Variants in DENND4A observed in about 807,000 individuals in gnomAD.
The protein encoded by DENND4A is C-myc promoter-binding protein.
A neutral mutation model predicts 199.3 loss-of-function variants in DENND4A; 70 were observed. The ratio of observed to expected loss-of-function variants is 0.35; its 90% CI spans 0.29 to 0.43. DENND4A has a LOEUF of 0.43. Ranked by LOEUF, DENND4A falls within the 20% of genes least tolerant of loss-of-function variation. DENND4A has a pLI of 1.00. For synonymous variants in DENND4A, 686 were observed against 766.9 expected (o/e 0.89, Z 1.74); for missense variants, 1,723 against 2,255.8 (o/e 0.76, Z 4.78).
intron 1 of DENND4A, among the ~76,000 whole-genome samples, chr15:65,789,287 C>G (rs896980514): frequency 6.6e-6 from 1 of 152,096 alleles, no homozygotes; most frequent in African/African-American, 2.4e-5. Context: ...CCTGGGCTCA[C>G]GGGATCCTCC....
At chr15:65,749,884 T>C (rs976317085) in intron 4 of DENND4A, among the ~76,000 whole-genome samples, 4 of 152,178 alleles carry the variant, frequency 2.6e-5, no homozygotes, top group South Asian at 2.1e-4. Context: ...AGCATACTCA[T>C]GGACCCATCA....
At chr15:65,702,157 G>T in intron 17 of DENND4A, 148 bp downstream of exon 17, 1 of 777,642 alleles carries the variant, frequency 1.3e-6, no homozygotes, top group Non-Finnish European at 2.0e-6. Context: ...ACAGCTATCT[G>T]GGAGGCTAAA....
In DENND4A at chr15:65,759,266, C is replaced by T. The variant is rs578025913; in HGVS notation, c.-23+2094G>A. Among the ~76,000 whole-genome samples the T allele has an allele frequency of 1.5e-3, 232 of 152,234 alleles. 1 individual carries two copies. The highest frequency in any genetic ancestry group is 5.2e-3 in the African/African-American group (214 of 41,530). ...GGCCGAGGCGGGTGGATCACAAGGT[C>T]AGGAGTTCAAGACCAGCCTGGCCAA... On this transcript the variant is annotated intron_variant, in intron 2 of 32. Coordinates refer to ENST00000443035, the MANE Select transcript of DENND4A (RefSeq NM_001320835.1).
intron 2 of DENND4A, among the ~76,000 whole-genome samples, chr15:65,757,935 C>T (rs1215781186): frequency 3.3e-5 from 5 of 151,856 alleles, no homozygotes; most frequent in African/African-American, 7.3e-5. Context: ...GAGCTGAGAT[C>T]GCACCATTGC....
At chr15:65,722,189 A>T (rs2075667350) in intron 12 of DENND4A, among the ~76,000 whole-genome samples, 1 of 152,238 alleles carries the variant, frequency 6.6e-6, no homozygotes, top group Non-Finnish European at 1.5e-5. Flanking sequence ...TATTCTGTGT[A>T]TGAAAAAAAT....
intron 23 of DENND4A, among the ~76,000 whole-genome samples, chr15:65,682,663 G>A (rs920804763): frequency 2.6e-5 from 4 of 152,172 alleles, no homozygotes; most frequent in Admixed American, 6.5e-5. Context: ...TGGTGCAGGA[G>A]ACCTCACTTT....
At chr15:65,718,714 C>CAAA (rs1258606826) in intron 12 of DENND4A, among the ~76,000 whole-genome samples, 1 of 137,094 alleles carries the variant, frequency 7.3e-6, no homozygotes, top group Non-Finnish European at 1.6e-5. Flanking sequence ...GAAAATATTT[C>CAAA]AAAAACTGCC....
chr15:65,743,272 A>G (rs1276487071), intron 4 of DENND4A, among the ~76,000 whole-genome samples: 1 of 152,102 alleles, frequency 6.6e-6, no homozygotes, highest in East Asian at 1.9e-4. Flanking sequence ...ATCTACCCCC[A>G]ATTCCAATCT....
intron 4 of DENND4A, among the ~76,000 whole-genome samples, chr15:65,751,576 G>T (rs148685051): frequency 6.6e-6 from 1 of 152,152 alleles, no homozygotes; most frequent in African/African-American, 2.4e-5. Context: ...GAACCATGAG[G>T]CACTCCATTG....
In DENND4A at chr15:65,667,529, A is replaced by G. The variant is rs1286151708; in HGVS notation, c.5161T>C (p.Trp1721Arg). 1 of 1,613,990 alleles carries G rather than the reference A, an allele frequency of 6.2e-7. No individual in the cohort carries two copies. Among genetic ancestry groups the G allele is most frequent in the Non-Finnish European group, 8.5e-7 (1 of 1,179,868 alleles). Residue 1721 changes from tryptophan to arginine, a missense_variant, in exon 29 of 33, where the codon TGG becomes CGG. Trp to Arg is a moderately radical substitution (Grantham distance 101, BLOSUM62 -3). This residue lies in a region of DENND4A where 164 missense variants were observed against 280.1 expected (regional missense o/e 0.59). Coordinates refer to ENST00000443035, the MANE Select transcript of DENND4A (RefSeq NM_001320835.1). ...GGCAAGTCAAGACGTCTGAAATACC[A>G]TACCAGGTTCCAAAAAACAATTGGA... ...HHPIVFWNLV[W>R]YFRRLDLPSN...
chr15:65,731,551 T>C, intron 9 of DENND4A, 91 bp downstream of exon 9: 1 of 949,376 alleles, frequency 1.1e-6, no homozygotes, highest in Non-Finnish European at 1.6e-6. Context: ...AGTATTTCCA[T>C]CAATATTTGA....
intron 3 of DENND4A, among the ~76,000 whole-genome samples, chr15:65,753,724 T>C (rs1429038604): frequency 6.6e-6 from 1 of 152,126 alleles, no homozygotes; most frequent in South Asian, 2.1e-4. Flanking sequence ...GCATTTGCTA[T>C]AAAACTTGTA....
At chr15:65,695,451 A>T (rs1340191273) in intron 22 of DENND4A, among the ~76,000 whole-genome samples, 1 of 152,190 alleles carries the variant, frequency 6.6e-6, no homozygotes, top group East Asian at 1.9e-4. Flanking sequence ...AAACCATCAT[A>T]GCTTGGTTAG....
intron 20 of DENND4A, among the ~76,000 whole-genome samples, chr15:65,699,644 C>T (rs963217948): frequency 2.7e-5 from 4 of 148,124 alleles, no homozygotes; most frequent in African/African-American, 9.8e-5. Context: ...ACTACACATA[C>T]ATATATAATA....
intron 4 of DENND4A, among the ~76,000 whole-genome samples, chr15:65,742,747 T>C (rs1191227953): frequency 1.3e-5 from 2 of 152,196 alleles, no homozygotes; most frequent in Non-Finnish European, 2.9e-5. Flanking sequence ...CCTCTTTTTA[T>C]TCTTAAGATT....
chr15:65,678,850 T>G (rs954302000), intron 23 of DENND4A, among the ~76,000 whole-genome samples: 1 of 150,844 alleles, frequency 6.6e-6, no homozygotes, highest in East Asian at 2.0e-4. Context: ...CCACCATGAC[T>G]GGCTAATTTT....
At chr15:65,770,496 T>C (rs560989971) in intron 1 of DENND4A, among the ~76,000 whole-genome samples, 1 of 152,346 alleles carries the variant, frequency 6.6e-6, no homozygotes, top group South Asian at 2.1e-4. Flanking sequence ...TTTCTATGCA[T>C]GTATATGTAT....
intron 32 of DENND4A, among the ~76,000 whole-genome samples, chr15:65,662,346 A>C (rs547474283): frequency 2.0e-5 from 3 of 152,260 alleles, no homozygotes; most frequent in African/African-American, 7.2e-5. Flanking sequence ...TAGTCCTTTT[A>C]TGGTTTCATT....
chr15:65,687,420 C>T (rs1470411292), intron 23 of DENND4A, among the ~76,000 whole-genome samples: 1 of 151,188 alleles, frequency 6.6e-6, no homozygotes, highest in East Asian at 1.9e-4. Context: ...GTTTAGGAGG[C>T]AAAAAAGTAA....
Sources: gnomAD v4.1 joint callset for allele counts (sites outside exome capture counted in the v4.1 genomes callset) on GRCh38, gnomAD v4.1.1 for gene constraint, gnomAD v4.1.1 regional missense constraint, MANE v1.5 for transcripts, NCBI Gene and HGNC (gene_info 2026-07-23, HGNC 2026-07-21) for gene names.